Variants in ZBTB20 observed in about 807,000 individuals in gnomAD.
ZBTB20 encodes the protein zinc finger and BTB domain-containing protein 20.
Under a neutral mutation model 56.9 loss-of-function variants are expected in ZBTB20, and 9 were observed. The ratio of observed to expected loss-of-function variants is 0.16; its 90% CI spans 0.10 to 0.28. The LOEUF is 0.28. Ranked by LOEUF, ZBTB20 falls within the 10% of genes least tolerant of loss-of-function variation. The pLI is 1.00. For synonymous variants in ZBTB20, 417 were observed against 420.7 expected (o/e 0.99, Z 0.11); for missense variants, 655 against 1,003.0 (o/e 0.65, Z 4.69).
chr3:114,423,249 T>G (rs1448111393), intron 7 of ZBTB20, among the ~76,000 whole-genome samples: 1 of 152,222 alleles, frequency 6.6e-6, no homozygotes, highest in Admixed American at 6.5e-5. Context: ...ACTTTCTCAC[T>G]GATCAACAAT....
intron 5 of ZBTB20, among the ~76,000 whole-genome samples, chr3:114,776,033 T>C (rs2069580919): frequency 4.3e-4 from 1 of 2,340 alleles, no homozygotes; most frequent in Non-Finnish European, 1.6e-3. Context: ...ATTTTTTTTC[T>C]TTTTTTTTTT....
chr3:114,483,955 T>C (rs1004034905), intron 7 of ZBTB20, among the ~76,000 whole-genome samples: 1 of 151,950 alleles, frequency 6.6e-6, no homozygotes, highest in African/African-American at 2.4e-5. Flanking sequence ...TTTTTATGGG[T>C]ACAGTTAGTT....
chr3:114,698,305 A>T (rs2063175172), intron 5 of ZBTB20, among the ~76,000 whole-genome samples: 1 of 152,148 alleles, frequency 6.6e-6, no homozygotes, highest in Non-Finnish European at 1.5e-5. Flanking sequence ...AGCCCAATAT[A>T]GGATAATAAA....
chr3:114,477,489 CTTTT>C (rs765333264), intron 7 of ZBTB20, among the ~76,000 whole-genome samples: 1 of 109,266 alleles, frequency 9.2e-6, no homozygotes, highest in Admixed American at 9.3e-5. Context: ...GTTCCCTGCA[CTTTT>C]TTTTTTTTTT....
chr3:114,824,887 T>G (rs1434967053), intron 4 of ZBTB20, among the ~76,000 whole-genome samples: 1 of 152,014 alleles, frequency 6.6e-6, no homozygotes, highest in Non-Finnish European at 1.5e-5. Context: ...GCAGAAAAGT[T>G]TTCTAGCTAG....
intron 7 of ZBTB20, among the ~76,000 whole-genome samples, chr3:114,434,546 G>GTGTGTTTGTGTT (rs2090368496): frequency 1.1e-5 from 1 of 89,122 alleles, no homozygotes; most frequent in South Asian, 3.9e-4. Flanking sequence ...ATTGGGGTGT[G>GTGTGTTTGTGTT]TGTGTGTGTG....
chr3:115,075,841 T>C (rs1053684579), intron 1 of ZBTB20, among the ~76,000 whole-genome samples: 2 of 152,092 alleles, frequency 1.3e-5, no homozygotes, highest in Non-Finnish European at 2.9e-5. Context: ...AGTAAAATTG[T>C]CTAGTTGGTA....
At chr3:114,927,035 A>G (rs1186770977) in intron 3 of ZBTB20, among the ~76,000 whole-genome samples, 2 of 152,176 alleles carry the variant, frequency 1.3e-5, no homozygotes, top group Non-Finnish European at 2.9e-5. Context: ...TGAAAGGAAA[A>G]TAAATCTTGG....
At chr3:114,490,805 G>A (rs1521262) in intron 7 of ZBTB20, among the ~76,000 whole-genome samples, 12,387 of 152,200 alleles carry the variant, frequency 0.081, 1,196 homozygotes, top group African/African-American at 0.23. Flanking sequence ...ATAAGGCAGA[G>A]AGTAGATATT....
intron 6 of ZBTB20, among the ~76,000 whole-genome samples, chr3:114,626,113 CT>C (rs914274036): frequency 4.6e-5 from 7 of 152,144 alleles, no homozygotes; most frequent in African/African-American, 1.7e-4. Flanking sequence ...TAAAATATTT[CT>C]TTAAAGTCCT....
Position 114,489,734 on chromosome 3 carries a change from T to TA in ZBTB20, c.-255+10617dup, listed in dbSNP as rs527878740. 5.3e-5 allele frequency among the ~76,000 whole-genome samples: 8 copies of TA among 152,104 alleles called. No homozygotes were observed. The South Asian group carries it at 1.5e-3, about 28-fold the overall frequency. On this transcript the variant is annotated intron_variant, in intron 7 of 11. Transcript: ENST00000675478. The stretch of plus-strand genomic sequence containing the variant: ...ATAGAATCATAAAAAAAGTAAATAT[T>TA]AAAAAAAAGCTGTTTTGCTCGACAG...
intron 4 of ZBTB20, among the ~76,000 whole-genome samples, chr3:114,817,366 A>G (rs888537144): frequency 4.8e-4 from 73 of 151,894 alleles, no homozygotes; most frequent in African/African-American, 1.7e-3. Context: ...TAAAAATACA[A>G]AATTAGCCAG....
chr3:114,550,752 T>C (rs1326033818), intron 6 of ZBTB20, among the ~76,000 whole-genome samples: 2 of 152,068 alleles, frequency 1.3e-5, no homozygotes, highest in African/African-American at 4.8e-5. Context: ...TCCCAAGATA[T>C]AGTTTGTTTG....
chr3:114,689,426 A>C (rs2062561977), intron 6 of ZBTB20, among the ~76,000 whole-genome samples: 1 of 152,060 alleles, frequency 6.6e-6, no homozygotes, highest in Non-Finnish European at 1.5e-5. Flanking sequence ...ATCTAACCAC[A>C]ATTCTGAGCT....
intron 10 of ZBTB20, among the ~76,000 whole-genome samples, chr3:114,357,867 G>A (rs554898772): frequency 5.2e-4 from 79 of 152,160 alleles, no homozygotes; most frequent in Non-Finnish European, 8.8e-4. Flanking sequence ...AACAATCTTG[G>A]CCAAAATGAG....
At chr3:114,456,465 C>T (rs1294497666) in intron 7 of ZBTB20, among the ~76,000 whole-genome samples, 2 of 152,090 alleles carry the variant, frequency 1.3e-5, no homozygotes, top group African/African-American at 2.4e-5. Context: ...TTTTCTCATA[C>T]ACCTCGTTTC....
chr3:114,858,208 T>C (rs183870012), intron 4 of ZBTB20, among the ~76,000 whole-genome samples: 110 of 152,316 alleles, frequency 7.2e-4, no homozygotes, highest in Non-Finnish European at 1.0e-3. Context: ...CTGCATTTAC[T>C]GCACCTGCTT....
intron 10 of ZBTB20, among the ~76,000 whole-genome samples, chr3:114,359,993 GA>G (rs2081642600): frequency 6.6e-6 from 1 of 151,814 alleles, no homozygotes; most frequent in African/African-American, 2.4e-5. Flanking sequence ...TTTCTTTAAA[GA>G]ATATCATCAC....
At chr3:114,633,508 T>A (rs578227989) in intron 6 of ZBTB20, among the ~76,000 whole-genome samples, 65 of 152,322 alleles carry the variant, frequency 4.3e-4, no homozygotes, top group Admixed American at 2.0e-3. Flanking sequence ...GATTTAGGAA[T>A]CAGGCTCTGC....
Sources: gnomAD v4.1 joint callset for allele counts (sites outside exome capture counted in the v4.1 genomes callset) on GRCh38, gnomAD v4.1.1 for gene constraint, MANE v1.5 for transcripts, NCBI Gene and HGNC (gene_info 2026-07-23, HGNC 2026-07-21) for gene names.